RNF38: variants seen among roughly 807,000 people sequenced by gnomAD.
The protein encoded by RNF38 is E3 ubiquitin-protein ligase RNF38.
A neutral mutation model predicts 67.2 loss-of-function variants in RNF38; 15 were observed. The observed-to-expected ratio is 0.22, with a 90% confidence interval of 0.15 to 0.34. RNF38 has a LOEUF of 0.34. Among genes scored for constraint, RNF38 ranks in the 10% least tolerant of loss-of-function variants. The pLI, the probability that RNF38 is intolerant of heterozygous loss-of-function variation, is 1.00. For missense variants in RNF38, 524 were observed against 639.9 expected (o/e 0.82, Z 1.95); for synonymous variants, 220 against 218.8 (o/e 1.01, Z -0.05).
intron 4 of RNF38, among the ~76,000 whole-genome samples, chr9:36,359,370 T>C (rs1426839278): frequency 6.6e-6 from 1 of 152,184 alleles, no homozygotes; most frequent in Non-Finnish European, 1.5e-5. Context: ...CCTAATTCTT[T>C]AGTTTTTCGT....
At chr9:36,466,911 C>A (rs930207958) in intron 1 of RNF38, among the ~76,000 whole-genome samples, 2 of 151,158 alleles carry the variant, frequency 1.3e-5, no homozygotes, top group Non-Finnish European at 2.9e-5. Flanking sequence ...GTTGCGGTGG[C>A]TCACACCTGT....
At chr9:36,478,396 TC>T (rs1174970562) in intron 1 of RNF38, among the ~76,000 whole-genome samples, 1 of 77,788 alleles carries the variant, frequency 1.3e-5, no homozygotes, top group African/African-American at 5.3e-5. Flanking sequence ...AGAGCGAGAC[TC>T]CGTCTCAAAA....
chr9:36,376,096 C>A lies in RNF38; in HGVS notation c.194G>T (p.Arg65Leu). Residue 65 changes from arginine to leucine, a missense_variant, in exon 3 of 12, where the codon CGC becomes CTC. Arg to Leu is a moderately radical substitution (Grantham distance 102). Around this residue, in one of 2 missense-constraint regions of RNF38, gnomAD observed 461 missense variants for 517.4 expected, o/e 0.89. Transcript: ENST00000259605. The part of the protein sequence containing the change: ...SEDSPSPKRQ[R>L]LSHSVFDYTS... ...ATAATCAAAGACTGAATGAGAGAGGCGCTGTCTCTTAGGACTTGGACTATC... is the reference window on the plus strand; with the variant it reads ...ATAATCAAAGACTGAATGAGAGAGGAGCTGTCTCTTAGGACTTGGACTATC... 1 of 1,604,392 alleles carries A rather than the reference C, an allele frequency of 6.2e-7. No homozygotes were observed. The highest frequency in any genetic ancestry group is 8.5e-7 in the Non-Finnish European group (1 of 1,176,854).
intron 2 of RNF38, among the ~76,000 whole-genome samples, chr9:36,385,193 A>G (rs1275375328): frequency 6.6e-6 from 1 of 152,224 alleles, no homozygotes; most frequent in African/African-American, 2.4e-5. Context: ...ATTCTACACA[A>G]GAACAAGGAA....
At chr9:36,348,653 TC>T in intron 9 of RNF38, among the ~76,000 whole-genome samples, 1 of 152,224 alleles carries the variant, frequency 6.6e-6, no homozygotes. Context: ...GTCCTTTAAT[TC>T]TATCAATGTT....
intron 1 of RNF38, among the ~76,000 whole-genome samples, chr9:36,440,502 G>A (rs938010772): frequency 1.3e-5 from 2 of 151,514 alleles, no homozygotes; most frequent in African/African-American, 4.9e-5. Flanking sequence ...TTGCACTCCA[G>A]CCTGGGCAAC....
intron 2 of RNF38, among the ~76,000 whole-genome samples, chr9:36,417,385 T>C (rs150072529): frequency 6.6e-6 from 1 of 152,364 alleles, no homozygotes; most frequent in East Asian, 1.9e-4. Context: ...AAGTTAATCC[T>C]GCCCGCTTTT....
chr9:36,420,088 TAC>T (rs753182426), intron 2 of RNF38, among the ~76,000 whole-genome samples: 78 of 152,228 alleles, frequency 5.1e-4, no homozygotes, highest in Middle Eastern at 3.4e-3. Flanking sequence ...AACAGCAGAG[TAC>T]AGACTTGAGC....
chr9:36,425,058 C>T (rs183115564), intron 1 of RNF38, among the ~76,000 whole-genome samples: 13 of 152,256 alleles, frequency 8.5e-5, no homozygotes, highest in Admixed American at 7.2e-4. Context: ...ACTACACATG[C>T]TTTGAGAAAA....
At chr9:36,484,536 C>T (rs978848155) in intron 1 of RNF38, among the ~76,000 whole-genome samples, 6 of 152,062 alleles carry the variant, frequency 3.9e-5, no homozygotes, top group Admixed American at 6.6e-5. Context: ...TCTTAATTTA[C>T]GATTACCTGA....
chr9:36,423,192 G>A (rs1838672646), intron 2 of RNF38, among the ~76,000 whole-genome samples: 1 of 152,126 alleles, frequency 6.6e-6, no homozygotes, highest in South Asian at 2.1e-4. Flanking sequence ...GTCTCTTTCA[G>A]TGGCTTGCCT....
intron 1 of RNF38, among the ~76,000 whole-genome samples, chr9:36,470,701 C>T (rs974921184): frequency 2.6e-5 from 4 of 152,132 alleles, no homozygotes; most frequent in Admixed American, 2.0e-4. Flanking sequence ...CACCTTAAAA[C>T]AAACCAACCA....
chr9:36,434,685 A>G (rs1176243347), intron 1 of RNF38, among the ~76,000 whole-genome samples: 1 of 152,170 alleles, frequency 6.6e-6, no homozygotes, highest in African/African-American at 2.4e-5. Context: ...CACCGTGCCC[A>G]GCCTACATGT....
intron 2 of RNF38, among the ~76,000 whole-genome samples, chr9:36,380,373 ATTT>A (rs1432194309): frequency 6.6e-6 from 1 of 151,938 alleles, no homozygotes; most frequent in Non-Finnish European, 1.5e-5. Context: ...CTAATTTTGT[ATTT>A]TTAAGTAGAG....
intron 1 of RNF38, among the ~76,000 whole-genome samples, chr9:36,425,350 T>C (rs1838740922): frequency 6.6e-6 from 1 of 152,194 alleles, no homozygotes; most frequent in African/African-American, 2.4e-5. Flanking sequence ...CAAAGATCTA[T>C]GTAATGTAAA....
intron 2 of RNF38, among the ~76,000 whole-genome samples, chr9:36,386,180 A>G (rs1244976593): frequency 6.6e-6 from 1 of 152,204 alleles, no homozygotes; most frequent in Non-Finnish European, 1.5e-5. Context: ...CACCAACCTA[A>G]TACCAACACA....
intron 1 of RNF38, among the ~76,000 whole-genome samples, chr9:36,436,768 G>GC (rs1288881691): frequency 1.5e-5 from 2 of 137,686 alleles, no homozygotes; most frequent in Admixed American, 8.3e-5. Context: ...GCTTGCGTGA[G>GC]CCCAGATAGC....
chr9:36,483,841 A>G (rs981766804), intron 1 of RNF38, among the ~76,000 whole-genome samples: 1 of 151,800 alleles, frequency 6.6e-6, no homozygotes, highest in African/African-American at 2.4e-5. Flanking sequence ...CAGTTGACAC[A>G]TGTGTTAAAA....
At chr9:36,343,023 C>G (rs1832962272) in intron 10 of RNF38, among the ~76,000 whole-genome samples, 1 of 152,164 alleles carries the variant, frequency 6.6e-6, no homozygotes, top group Non-Finnish European at 1.5e-5. Flanking sequence ...TGCACACCCT[C>G]CCATATGCTT....
Sources: allele counts gnomAD v4.1 joint callset (sites outside exome capture counted in the v4.1 genomes callset), GRCh38; gene constraint gnomAD v4.1.1; regional missense constraint gnomAD v4.1.1; transcripts MANE v1.5; gene names NCBI Gene and HGNC (gene_info 2026-07-23, HGNC 2026-07-21).